The following PRKCQ variants were observed in gnomAD, a reference collection of about 807,000 sequenced individuals.
PRKCQ encodes protein kinase C theta type.
A neutral mutation model predicts 91.2 loss-of-function variants in PRKCQ; 41 were observed. The observed-to-expected ratio is 0.45, with a 90% CI of 0.35 to 0.58. The LOEUF (loss-of-function observed/expected upper bound fraction) is 0.58. PRKCQ is among the 20% of genes least tolerant of loss of function. PRKCQ has a pLI of 0.00. For synonymous variants in PRKCQ, 307 were observed against 316.9 expected (o/e 0.97, Z 0.33); for missense variants, 673 against 896.5 (o/e 0.75, Z 3.18).
intron 1 of PRKCQ, among the ~76,000 whole-genome samples, chr10:6,562,892 T>G (rs1314272149): frequency 6.6e-6 from 1 of 152,222 alleles, no homozygotes; most frequent in Non-Finnish European, 1.5e-5. Flanking sequence ...TCAGTCTATG[T>G]TAGCTATAAT....
At chr10:6,434,422 G>C (rs890398577) in intron 16 of PRKCQ, among the ~76,000 whole-genome samples, 1 of 152,208 alleles carries the variant, frequency 6.6e-6, no homozygotes, top group Non-Finnish European at 1.5e-5. Flanking sequence ...AAGAGCATAT[G>C]GTCTCCAGCT....
the PRKCQ span, among the ~76,000 whole-genome samples, chr10:6,399,970 C>T: frequency 6.6e-6 from 1 of 152,106 alleles, no homozygotes; most frequent in Non-Finnish European, 1.5e-5. Context: ...GGAAGTATTG[C>T]CAGATTTTGT....
chr10:6,550,807 T>A (rs890387209), intron 1 of PRKCQ, among the ~76,000 whole-genome samples: 2 of 152,224 alleles, frequency 1.3e-5, no homozygotes, highest in Admixed American at 1.3e-4. Flanking sequence ...ATAGCAGCTA[T>A]ACCATTTTAC....
intron 1 of PRKCQ, among the ~76,000 whole-genome samples, chr10:6,550,626 A>G (rs1248981518): frequency 6.6e-6 from 1 of 152,220 alleles, no homozygotes; most frequent in Non-Finnish European, 1.5e-5. Context: ...GTTGATGGAT[A>G]TGTGGGTCGT....
the PRKCQ span, among the ~76,000 whole-genome samples, chr10:6,419,177 TTCTG>T: frequency 1.8e-4 from 27 of 146,262 alleles, no homozygotes; most frequent in Non-Finnish European, 2.4e-4. Flanking sequence ...AACTATCTAC[TTCTG>T]TCTATCTCTC....
chr10:6,405,670 A>G, the PRKCQ span, among the ~76,000 whole-genome samples: 1 of 152,210 alleles, frequency 6.6e-6, no homozygotes, highest in East Asian at 1.9e-4. Context: ...AACTATGCCC[A>G]AGAGCCCACT....
chr10:6,539,223 C>T (rs1278192764), intron 1 of PRKCQ, among the ~76,000 whole-genome samples: 1 of 152,112 alleles, frequency 6.6e-6, no homozygotes, highest in Non-Finnish European at 1.5e-5. Flanking sequence ...GAGAATGTTT[C>T]TGAGAACTTG....
chr10:6,540,301 T>C (rs1839728425), intron 1 of PRKCQ, among the ~76,000 whole-genome samples: 1 of 152,206 alleles, frequency 6.6e-6, no homozygotes, highest in African/African-American at 2.4e-5. Context: ...TACATTCACA[T>C]TGTTGTGCAA....
At chr10:6,477,504 C>T (rs1433068004) in intron 12 of PRKCQ, among the ~76,000 whole-genome samples, 1 of 152,230 alleles carries the variant, frequency 6.6e-6, no homozygotes, top group Non-Finnish European at 1.5e-5. Flanking sequence ...CTCATTAATT[C>T]TTCCCATGGC....
chr10:6,482,385 C>T (rs1039142599), intron 11 of PRKCQ, among the ~76,000 whole-genome samples: 1 of 152,020 alleles, frequency 6.6e-6, no homozygotes, highest in African/African-American at 2.4e-5. Flanking sequence ...CACTTGGGTT[C>T]GGGAGGTCAA....
At chr10:6,445,073 A>G (rs111284656) in intron 15 of PRKCQ, among the ~76,000 whole-genome samples, 29,752 of 143,952 alleles carry the variant, frequency 0.21, 3,859 homozygotes, top group Admixed American at 0.28. Flanking sequence ...GTAGTGAGCC[A>G]AGATCGCGCC....
intron 3 of PRKCQ, among the ~76,000 whole-genome samples, chr10:6,509,061 T>C (rs941782863): frequency 6.6e-6 from 1 of 151,822 alleles, no homozygotes; most frequent in South Asian, 2.1e-4. Context: ...AATTAAGAAA[T>C]AACCTTGGCA....
chr10:6,556,549 G>A (rs1245073700), intron 1 of PRKCQ, among the ~76,000 whole-genome samples: 1 of 151,704 alleles, frequency 6.6e-6, no homozygotes, highest in African/African-American at 2.4e-5. Context: ...GGGAAATGGA[G>A]AGTTACTGCT....
At chr10:6,479,304 C>T (rs1836449223) in intron 11 of PRKCQ, 139 bp from the exon 12 acceptor site, 1 of 894,772 alleles carries the variant, frequency 1.1e-6, no homozygotes, top group African/African-American at 1.7e-5. Context: ...CTGCATAGGC[C>T]ATTCCTGAGA....
the PRKCQ span, among the ~76,000 whole-genome samples, chr10:6,418,955 ATATCTATCTATCTATCTATCTATC>A: frequency 2.2e-3 from 317 of 147,186 alleles, 1 homozygote; most frequent in African/African-American, 5.2e-3. Flanking sequence ...ATCTTATCTA[ATATCTATCTATCTATCTATCTATC>A]TATCTATCTA....
chr10:6,425,304 G>A (rs1002344037), downstream of PRKCQ, among the ~76,000 whole-genome samples: 7 of 150,372 alleles, frequency 4.7e-5, no homozygotes, highest in South Asian at 2.1e-4. Context: ...AGCTCACTGC[G>A]ACCTCCGCCT....
chr10:6,403,696 T>G, the PRKCQ span, among the ~76,000 whole-genome samples: 436 of 152,338 alleles, frequency 2.9e-3, 4 homozygotes, highest in Non-Finnish European at 3.9e-3. Flanking sequence ...GAGCACAATG[T>G]ATTGCAATCC....
chr10:6,470,160 T>C (rs1835881490), intron 12 of PRKCQ, among the ~76,000 whole-genome samples: 1 of 152,214 alleles, frequency 6.6e-6, no homozygotes, highest in Non-Finnish European at 1.5e-5. Flanking sequence ...AGTTTTTGAT[T>C]GTCAACTCTT....
At chr10:6,540,469 T>C (rs1047885685) in intron 1 of PRKCQ, among the ~76,000 whole-genome samples, 1 of 152,218 alleles carries the variant, frequency 6.6e-6, no homozygotes, top group Non-Finnish European at 1.5e-5. Flanking sequence ...GAACCTCGTA[T>C]AAGTGGAGTC....
Sources: allele counts gnomAD v4.1 joint callset (sites outside exome capture counted in the v4.1 genomes callset), GRCh38; gene constraint gnomAD v4.1.1; transcripts MANE v1.5; gene names NCBI Gene and HGNC (gene_info 2026-07-23, HGNC 2026-07-21).